The following SLC39A11 variants were observed in gnomAD, a reference collection of about 807,000 sequenced individuals.
SLC39A11 encodes zinc transporter ZIP11.
Under a neutral mutation model 36.1 loss-of-function variants are expected in SLC39A11, and 33 were observed. The observed-to-expected ratio is 0.91, with a 90% CI of 0.69 to 1.22. The LOEUF is 1.22. Among genes scored for constraint, SLC39A11 ranks in the 50% most tolerant of loss-of-function variants. The pLI is 0.00. For missense variants in SLC39A11, 432 were observed against 430.3 expected, an observed-to-expected ratio of 1.00 and a Z score of -0.03; for synonymous variants, 166 against 170.3, an observed-to-expected ratio of 0.97 and a Z score of 0.20.
chr17:72,906,048 C>T (rs1004055074), intron 5 of SLC39A11, among the ~76,000 whole-genome samples: 6 of 152,176 alleles, frequency 3.9e-5, no homozygotes, highest in African/African-American at 7.2e-5. Context: ...CCACCACACT[C>T]GGCCAAAGAG....
intron 4 of SLC39A11, among the ~76,000 whole-genome samples, chr17:73,028,967 A>C (rs1271438865): frequency 2.0e-5 from 3 of 151,910 alleles, no homozygotes; most frequent in African/African-American, 4.8e-5. Flanking sequence ...AAAATACAAA[A>C]ATTAGCCAGG....
intron 5 of SLC39A11, among the ~76,000 whole-genome samples, chr17:72,855,722 C>A (rs895294714): frequency 6.9e-6 from 1 of 144,516 alleles, no homozygotes; most frequent in Non-Finnish European, 1.5e-5. Flanking sequence ...CAGTGAAACC[C>A]CGTCTCTACT....
At chr17:72,783,068 G>A (rs1022599340) in intron 6 of SLC39A11, among the ~76,000 whole-genome samples, 1 of 149,130 alleles carries the variant, frequency 6.7e-6, no homozygotes, top group South Asian at 2.1e-4. Flanking sequence ...GAAAGCAGAC[G>A]ATTCTCACCA....
intron 6 of SLC39A11, chr17:72,839,517 TG>T (rs35884158): frequency 0.46 from 69,629 of 152,206 alleles, 16,481 homozygotes; most frequent in Non-Finnish European, 0.51. Flanking sequence ...CTGCAGAAGC[TG>T]GAAGAGGCCA....
intron 7 of SLC39A11, among the ~76,000 whole-genome samples, chr17:72,704,797 C>G (rs771276109): frequency 2.1e-4 from 32 of 152,186 alleles, no homozygotes; most frequent in Non-Finnish European, 4.0e-4. Context: ...TGACCCTACC[C>G]TGAACAATGG....
intron 5 of SLC39A11, among the ~76,000 whole-genome samples, chr17:72,853,269 C>T (rs1257235781): frequency 6.6e-6 from 1 of 151,568 alleles, no homozygotes; most frequent in Non-Finnish European, 1.5e-5. Context: ...CTCAAGCGAT[C>T]CACCTGCCTT....
chr17:73,020,088 T>C (rs1464327073), intron 4 of SLC39A11, among the ~76,000 whole-genome samples: 2 of 152,230 alleles, frequency 1.3e-5, no homozygotes, highest in African/African-American at 2.4e-5. Flanking sequence ...CGAGTTATGT[T>C]TGGAAAATTT....
At chr17:73,064,627 A>G (rs976079320) in intron 3 of SLC39A11, among the ~76,000 whole-genome samples, 5 of 152,074 alleles carry the variant, frequency 3.3e-5, no homozygotes, top group Non-Finnish European at 7.4e-5. Context: ...CTGCCCAGAG[A>G]GGAGGTCCCC....
chr17:72,925,763 C>A lies in SLC39A11; in HGVS notation c.430+21989G>T, dbSNP rs117409215. On this transcript the variant is annotated intron_variant, in intron 5 of 9. Transcript: ENST00000255559. ...AATTCTTCAAGGACGTCATGAGTTT[C>A]CACCAATTCTCTAATTCTTCCCCTC... 2.6e-4 allele frequency among the ~76,000 whole-genome samples: 40 copies of A among 152,330 alleles called. No individual in the cohort carries two copies. The East Asian group carries it at 7.3e-3, about 28-fold the overall frequency.
chr17:72,802,158 TG>T (rs1387918334), intron 6 of SLC39A11, among the ~76,000 whole-genome samples: 1 of 152,164 alleles, frequency 6.6e-6, no homozygotes, highest in Admixed American at 6.5e-5. Context: ...CGGCAAAGCC[TG>T]GGTAGGATGT....
intron 7 of SLC39A11, among the ~76,000 whole-genome samples, chr17:72,713,973 G>A (rs1051034324): frequency 4.6e-5 from 7 of 152,130 alleles, no homozygotes; most frequent in African/African-American, 1.7e-4. Context: ...AAATAATAAC[G>A]TCAGGGACCT....
At chr17:73,065,207 C>G (rs2059963272) in intron 3 of SLC39A11, among the ~76,000 whole-genome samples, 1 of 152,062 alleles carries the variant, frequency 6.6e-6, no homozygotes, top group Non-Finnish European at 1.5e-5. Context: ...GAGTTCGAGA[C>G]CAGCCTGGCC....
At chr17:72,951,804 TG>T (rs1345010341) in intron 4 of SLC39A11, among the ~76,000 whole-genome samples, 1 of 152,176 alleles carries the variant, frequency 6.6e-6, no homozygotes, top group East Asian at 1.9e-4. Context: ...TTAGGGAAGA[TG>T]CCAAGAGAGG....
rs555154604 is a variant in SLC39A11 at position 73,009,786 on chromosome 17, G to A, written c.306+21770C>T. ...AAGTTCTAGGGTACATGTGCACAAC[G>A]TGCAGGTTTGTTACATATGTATACA... is the stretch of plus-strand genomic sequence containing the variant. On this transcript the variant is annotated intron_variant, in intron 4 of 9. Transcript: ENST00000255559. Among the ~76,000 whole-genome samples the A allele has an allele frequency of 1.5e-4, 23 of 152,116 alleles. No individual in the cohort carries two copies. The East Asian group carries it at 1.7e-3, about 12-fold the overall frequency.
At chr17:72,733,563 G>A (rs922110279) in intron 7 of SLC39A11, among the ~76,000 whole-genome samples, 8 of 152,096 alleles carry the variant, frequency 5.3e-5, no homozygotes, top group African/African-American at 9.7e-5. Context: ...GCAGGGGCTG[G>A]TGCACAGTCC....
At chr17:73,055,569 C>T (rs1179641925) in intron 3 of SLC39A11, among the ~76,000 whole-genome samples, 2 of 151,428 alleles carry the variant, frequency 1.3e-5, no homozygotes, top group East Asian at 1.9e-4. Context: ...TTAGCTAGGA[C>T]GACAGGCACA....
chr17:73,056,955 G>A (rs2059689269), intron 3 of SLC39A11, among the ~76,000 whole-genome samples: 1 of 151,994 alleles, frequency 6.6e-6, no homozygotes. Context: ...AAAAACAATG[G>A]GATGCATTTT....
At chr17:72,977,672 C>A (rs1039246818) in intron 4 of SLC39A11, among the ~76,000 whole-genome samples, 10 of 152,116 alleles carry the variant, frequency 6.6e-5, no homozygotes, top group Admixed American at 6.5e-5. Flanking sequence ...TGGGAAAGAA[C>A]CATGAAGTGC....
chr17:72,926,465 G>A (rs2084054540), intron 5 of SLC39A11, among the ~76,000 whole-genome samples: 1 of 152,188 alleles, frequency 6.6e-6, no homozygotes, highest in Non-Finnish European at 1.5e-5. Flanking sequence ...AAAATGACTG[G>A]AGGCTCCTCT....
Sources: gnomAD v4.1 joint callset for allele counts (sites outside exome capture counted in the v4.1 genomes callset) on GRCh38, gnomAD v4.1.1 for gene constraint, MANE v1.5 for transcripts, NCBI Gene and HGNC (gene_info 2026-07-23, HGNC 2026-07-21) for gene names.